The following RAD23B variants were observed in gnomAD, a reference collection of about 807,000 sequenced individuals.
RAD23B encodes lysine-specific demethylase RAD23B.
Under a neutral mutation model 49.1 loss-of-function variants are expected in RAD23B, and 5 were observed. The observed-to-expected ratio is 0.10, with a 90% CI of 0.05 to 0.21. RAD23B has a LOEUF of 0.21. Ranked by LOEUF, RAD23B falls within the 10% of genes least tolerant of loss-of-function variation. The probability of loss-of-function intolerance (pLI) is 1.00; values close to 1 mark genes in which losing one functional copy is unlikely to be tolerated. For missense variants in RAD23B, 356 were observed against 486.7 expected, an observed-to-expected ratio of 0.73 and a Z score of 2.53; for synonymous variants, 184 against 165.4, an observed-to-expected ratio of 1.11 and a Z score of -0.86.
rs535174575 is a variant in RAD23B at position 107,328,485 on chromosome 9, G to A, written c.1117-1058G>A. Among the ~76,000 whole-genome samples, 50 of 152,258 alleles carry A rather than the reference G, an allele frequency of 3.3e-4. No homozygotes were observed. The East Asian group carries it at 9.5e-3, about 29-fold the overall frequency. On this transcript the variant is annotated intron_variant, in intron 9 of 9. Coordinates refer to ENST00000358015, the MANE Select transcript of RAD23B (RefSeq NM_002874.5). ...CAGGCATTTGTTAGGCTATCATACG[G>A]AGCACAGACCCTAGATCCCTCTCAT... is the stretch of plus-strand genomic sequence containing the variant.
chr9:107,326,076 G>T (rs989961733), intron 9 of RAD23B, among the ~76,000 whole-genome samples: 23 of 152,040 alleles, frequency 1.5e-4, no homozygotes, highest in Non-Finnish European at 7.4e-5. Flanking sequence ...AATTTTACTG[G>T]TTACAGCATA....
intron 4 of RAD23B, among the ~76,000 whole-genome samples, chr9:107,309,657 C>T (rs897424239): frequency 6.6e-6 from 1 of 152,112 alleles, no homozygotes; most frequent in African/African-American, 2.4e-5. Context: ...GTGGGCCGGG[C>T]GTGGTGGCTC....
In RAD23B at chr9:107,300,184, A is replaced by G. The variant is rs1403843166; in HGVS notation, c.110A>G (p.Asp37Gly). 1.2e-6 allele frequency: 2 copies of G among 1,609,556 alleles called. No individual in the cohort carries two copies. Among genetic ancestry groups the G allele is most frequent in the South Asian group, 1.1e-5 (1 of 90,080 alleles). Residue 37 changes from aspartate (D) to glycine (G), a missense_variant, in exon 2 of 10, where the codon GAT (aspartate) becomes GGT (glycine). Asp to Gly is a moderately conservative substitution (Grantham distance 94, BLOSUM62 -1). Coordinates refer to ENST00000358015, the MANE Select transcript of RAD23B (RefSeq NM_002874.5). Reference protein sequence around the residue: ...KEKIESEKGKDAFPVAGQKLI... With the variant: ...KEKIESEKGKGAFPVAGQKLI... ...AAGATTGAATCTGAAAAGGGGAAAG[A>G]TGCCTTTCCAGTAGCAGGTCAAAAA...
rs2133104824 is a variant in RAD23B at position 107,331,566 on chromosome 9, GT to G, written c.*1912del. The G allele has an allele frequency of 1.5e-6, 1 of 667,508 alleles. No homozygotes were observed. Among genetic ancestry groups the G allele is most frequent in the East Asian group, 2.6e-5 (1 of 38,354 alleles). 41.3% of individuals were successfully genotyped at this position (667,508 alleles called of 1,614,324 possible). A position where few individuals can be genotyped will look rare whatever the true frequency, so the allele number is the denominator to read the frequency against. ...GAATAAAATGAGAATTCATATATAC[GT>G]TCATCTTTCAAGTCAGAGCAATGAG... On this transcript the variant is annotated 3_prime_UTR_variant, in exon 10 of 10. Transcript: ENST00000358015.
chr9:107,298,550 C>T (rs893389225), intron 1 of RAD23B, among the ~76,000 whole-genome samples: 1 of 133,158 alleles, frequency 7.5e-6, no homozygotes, highest in Non-Finnish European at 1.5e-5. Flanking sequence ...AGGCTGACCT[C>T]GAACTCCTGG....
chr9:107,287,713 A>G (rs931049007), intron 1 of RAD23B, among the ~76,000 whole-genome samples: 3 of 152,000 alleles, frequency 2.0e-5, no homozygotes, highest in Admixed American at 1.3e-4. Context: ...GCATGCCTGT[A>G]ATCCCAGCCA....
At chr9:107,301,478 A>G (rs529458518) in intron 2 of RAD23B, among the ~76,000 whole-genome samples, 8 of 152,290 alleles carry the variant, frequency 5.3e-5, no homozygotes, top group Middle Eastern at 6.8e-3. Context: ...ATTTGTAAAA[A>G]TTGATTGTCA....
At chr9:107,305,109 C>T (rs1315818993) in intron 3 of RAD23B, among the ~76,000 whole-genome samples, 4 of 150,700 alleles carry the variant, frequency 2.7e-5, no homozygotes, top group South Asian at 2.1e-4. Context: ...GGTAACATGG[C>T]GAAACCTTGT....
chr9:107,292,943 T>A (rs1833413190), intron 1 of RAD23B, among the ~76,000 whole-genome samples: 1 of 152,188 alleles, frequency 6.6e-6, no homozygotes, highest in South Asian at 2.1e-4. Flanking sequence ...ACACTTACTA[T>A]TTCATAATTT....
At chr9:107,285,739 T>C (rs1470212405) in intron 1 of RAD23B, among the ~76,000 whole-genome samples, 1 of 152,176 alleles carries the variant, frequency 6.6e-6, no homozygotes, top group Middle Eastern at 3.2e-3. Flanking sequence ...ATAATTTTGT[T>C]GCTGTTAGTA....
Position 107,306,485 on chromosome 9 carries a change from C to A in RAD23B, c.335C>A (p.Thr112Asn), listed in dbSNP as rs776897206. 3.1e-6 allele frequency: 5 copies of A among 1,614,204 alleles called. No individual in the cohort carries two copies. Among genetic ancestry groups the A allele is most frequent in the South Asian group, 2.2e-5 (2 of 91,086 alleles). The change falls in exon 4 of 10, where the codon ACC (threonine) becomes AAC (asparagine). Residue 112 changes from threonine (T) to asparagine (N), a missense_variant. By Grantham distance (65) the Thr-to-Asn change is moderately conservative. Coordinates refer to ENST00000358015, the MANE Select transcript of RAD23B (RefSeq NM_002874.5). ...ACCACAACTGTGGCTCAGGCTCCAA[C>A]CCCTGTCCCTGCCTTGGCCCCCACT... The part of the protein sequence containing the change: ...STTTTVAQAP[T>N]PVPALAPTST...
chr9:107,289,586 T>C (rs10816484), intron 1 of RAD23B, among the ~76,000 whole-genome samples: 6,370 of 152,134 alleles, frequency 0.042, 512 homozygotes, highest in East Asian at 0.38. Flanking sequence ...TGCAGTAGTT[T>C]TAAGTAATTG....
intron 1 of RAD23B, among the ~76,000 whole-genome samples, chr9:107,292,151 A>T (rs1009047676): frequency 5.3e-5 from 8 of 150,840 alleles, no homozygotes; most frequent in African/African-American, 1.9e-4. Flanking sequence ...TTCCTCAAAC[A>T]TAGTTATAAA....
At chr9:107,319,185 C>T (rs1362261964) in intron 6 of RAD23B, among the ~76,000 whole-genome samples, 1 of 127,884 alleles carries the variant, frequency 7.8e-6, no homozygotes, top group Non-Finnish European at 1.5e-5. Flanking sequence ...GACTGGAGTG[C>T]AGTGGCATGA....
chr9:107,306,063 A>AGATATATATAAATATG (rs1564245508), intron 3 of RAD23B, among the ~76,000 whole-genome samples: 2 of 125,346 alleles, frequency 1.6e-5, no homozygotes, highest in Non-Finnish European at 3.6e-5. Flanking sequence ...ATATATATAT[A>AGATATATATAAATATG]TATATATATC....
At chr9:107,290,951 G>C (rs1037837341) in intron 1 of RAD23B, among the ~76,000 whole-genome samples, 2 of 152,142 alleles carry the variant, frequency 1.3e-5, no homozygotes, top group African/African-American at 4.8e-5. Context: ...ACAGTGAATC[G>C]TACGAAGGAC....
intron 9 of RAD23B, 29 bp from the exon 10 acceptor site, chr9:107,329,514 G>A (rs746169370): frequency 7.3e-7 from 1 of 1,374,132 alleles, no homozygotes. Context: ...TGGTGTGTTG[G>A]ATTTATATTT....
At chr9:107,300,704 A>C (rs947175242) in intron 2 of RAD23B, among the ~76,000 whole-genome samples, 1 of 152,318 alleles carries the variant, frequency 6.6e-6, no homozygotes, top group African/African-American at 2.4e-5. Context: ...TGACCAATAA[A>C]GCAACAAAGG....
intron 3 of RAD23B, among the ~76,000 whole-genome samples, chr9:107,306,062 T>G (rs1279886651): frequency 1.4e-5 from 2 of 138,752 alleles, no homozygotes; most frequent in Non-Finnish European, 3.1e-5. Context: ...TATATATATA[T>G]ATATATATAT....
Sources: gnomAD v4.1 joint callset for allele counts (sites outside exome capture counted in the v4.1 genomes callset) on GRCh38, gnomAD v4.1.1 for gene constraint, MANE v1.5 for transcripts, NCBI Gene and HGNC (gene_info 2026-07-23, HGNC 2026-07-21) for gene names.